Variants in GNG12 observed in about 807,000 individuals in gnomAD.
The protein encoded by GNG12 is guanine nucleotide-binding protein G(I)/G(S)/G(O) subunit gamma-12.
For synonymous variants in GNG12, 28 were observed against 29.7 expected, an observed-to-expected ratio of 0.94 and a Z score of 0.19; for missense variants, 69 against 83.8, an observed-to-expected ratio of 0.82 and a Z score of 0.69.
intron 1 of GNG12, among the ~76,000 whole-genome samples, chr1:67,825,710 C>T (rs1451786400): frequency 1.3e-5 from 2 of 152,122 alleles, no homozygotes; most frequent in African/African-American, 4.8e-5. Context: ...GCATCCTGTC[C>T]CCAAGGAAAA....
rs1185305286 is a variant in GNG12, at chr1:67,832,842, G to GT, written c.-77+501dup. Reference sequence around the variant, plus strand: ...GGAGGTAGAAAGTAGGCAGAGGGGCGTGGCGTCCCTGTCGCCCCCACATGC... The same window carrying GT: ...GGAGGTAGAAAGTAGGCAGAGGGGCGTTGGCGTCCCTGTCGCCCCCACATGC... On this transcript the variant is annotated intron_variant, in intron 1 of 3. Coordinates refer to ENST00000370982, the MANE Select transcript of GNG12 (RefSeq NM_018841.6). Among the ~76,000 whole-genome samples the GT allele has an allele frequency of 3.9e-5, 6 of 152,080 alleles. No individual in the cohort carries two copies. The South Asian group carries it at 1.0e-3, about 26-fold the overall frequency.
chr1:67,756,655 G>C (rs1646570483), intron 2 of GNG12, among the ~76,000 whole-genome samples: 1 of 152,138 alleles, frequency 6.6e-6, no homozygotes, highest in African/African-American at 2.4e-5. Flanking sequence ...GTGACGCTCC[G>C]CCTCCTCATT....
intron 1 of GNG12, among the ~76,000 whole-genome samples, chr1:67,813,021 G>A (rs1419932992): frequency 6.6e-6 from 1 of 152,184 alleles, no homozygotes; most frequent in Non-Finnish European, 1.5e-5. Flanking sequence ...GTAAAAAGAA[G>A]TTAGGCTCCA....
At chr1:67,766,838 C>T (rs1204725592) in intron 2 of GNG12, among the ~76,000 whole-genome samples, 1 of 152,104 alleles carries the variant, frequency 6.6e-6, no homozygotes, top group Non-Finnish European at 1.5e-5. Context: ...AGCAGTTCCT[C>T]GCTGGGCCTC....
intron 1 of GNG12, among the ~76,000 whole-genome samples, chr1:67,826,088 A>G (rs965956989): frequency 9.9e-5 from 15 of 151,966 alleles, no homozygotes; most frequent in African/African-American, 3.4e-4. Flanking sequence ...CATGAAGTTT[A>G]TATGTTTCCC....
At chr1:67,820,296 G>A (rs552620898) in intron 1 of GNG12, among the ~76,000 whole-genome samples, 171 of 152,024 alleles carry the variant, frequency 1.1e-3, no homozygotes, top group African/African-American at 4.1e-3. Flanking sequence ...GGCTGAGACA[G>A]GAGAATTGCT....
At position 67,705,117 on chromosome 1, in the gene GNG12, C is replaced by A. The variant is rs2100663622; in HGVS notation, c.*334G>T. On this transcript the variant is annotated 3_prime_UTR_variant, in exon 4 of 4. Transcript: ENST00000370982. ...ATTTTAATTTGACAGGTGCTTAGGC[C>A]ATTTAGGTCCTGACATATCGGAATC... is the stretch of plus-strand genomic sequence containing the variant. 1 of 177,448 alleles carries A rather than the reference C, an allele frequency of 5.6e-6. No homozygotes were observed. The highest frequency in any genetic ancestry group is 1.4e-4 in the South Asian group (1 of 6,950). 11.0% of individuals were successfully genotyped at this position (177,448 alleles called of 1,614,324 possible).
chr1:67,830,042 G>C (rs944227201), intron 1 of GNG12, among the ~76,000 whole-genome samples: 5 of 115,056 alleles, frequency 4.3e-5, no homozygotes, highest in African/African-American at 1.4e-4. Flanking sequence ...TTTTGCTCTT[G>C]TTGCCCAGGC....
intron 2 of GNG12, among the ~76,000 whole-genome samples, chr1:67,743,497 C>T (rs1448640069): frequency 6.6e-6 from 1 of 152,080 alleles, no homozygotes; most frequent in Non-Finnish European, 1.5e-5. Flanking sequence ...AAGAGTGAAA[C>T]TCAGAAAAGC....
intron 2 of GNG12, among the ~76,000 whole-genome samples, chr1:67,775,971 G>T (rs1371886617): frequency 1.3e-5 from 2 of 152,152 alleles, no homozygotes; most frequent in East Asian, 1.9e-4. Flanking sequence ...AGAGAGAATG[G>T]GGCCAGAAAA....
At chr1:67,721,393 T>C (rs72922740) in intron 2 of GNG12, among the ~76,000 whole-genome samples, 4,575 of 152,152 alleles carry the variant, frequency 0.03, 199 homozygotes, top group African/African-American at 0.094. Flanking sequence ...CCCTTAGAAA[T>C]GCAAATCCAC....
chr1:67,781,160 C>G (rs1646735346), intron 1 of GNG12, among the ~76,000 whole-genome samples: 1 of 152,158 alleles, frequency 6.6e-6, no homozygotes, highest in African/African-American at 2.4e-5. Context: ...AGGATTGTGG[C>G]CCAGCCTACC....
At chr1:67,825,286 G>A (rs2100827367) in intron 1 of GNG12, among the ~76,000 whole-genome samples, 1 of 152,328 alleles carries the variant, frequency 6.6e-6, no homozygotes, top group Middle Eastern at 3.4e-3. Context: ...CAGGTTAAAT[G>A]TGAAAGGCAT....
chr1:67,743,201 G>T (rs1646491999), intron 2 of GNG12, among the ~76,000 whole-genome samples: 1 of 152,128 alleles, frequency 6.6e-6, no homozygotes, highest in African/African-American at 2.4e-5. Flanking sequence ...TAGGAGTAGG[G>T]GCAGCTGGGT....
intron 2 of GNG12, among the ~76,000 whole-genome samples, chr1:67,734,880 G>A (rs566932990): frequency 1.4e-4 from 22 of 152,138 alleles, no homozygotes; most frequent in African/African-American, 4.6e-4. Flanking sequence ...TTGAGACAGC[G>A]TCTCACTCTG....
intron 2 of GNG12, among the ~76,000 whole-genome samples, chr1:67,776,676 T>C (rs1408512054): frequency 2.0e-5 from 3 of 152,106 alleles, no homozygotes; most frequent in Non-Finnish European, 4.4e-5. Flanking sequence ...CAGCTACCTG[T>C]AGATACATGA....
chr1:67,764,063 A>G (rs1382921155), intron 2 of GNG12, among the ~76,000 whole-genome samples: 1 of 151,714 alleles, frequency 6.6e-6, no homozygotes, highest in Non-Finnish European at 1.5e-5. Flanking sequence ...TCATTCGTTC[A>G]CTCCTTCACA....
chr1:67,736,332 G>A (rs1023708261), intron 2 of GNG12, among the ~76,000 whole-genome samples: 8 of 152,064 alleles, frequency 5.3e-5, no homozygotes, highest in African/African-American at 1.9e-4. Flanking sequence ...CAGGCAGGGA[G>A]AATGTTGCAG....
At chr1:67,821,373 A>G (rs1489330228) in intron 1 of GNG12, among the ~76,000 whole-genome samples, 1 of 152,188 alleles carries the variant, frequency 6.6e-6, no homozygotes, top group Non-Finnish European at 1.5e-5. Flanking sequence ...AAGCACGAGA[A>G]GGATTTGTCA....
Sources: gnomAD v4.1 joint callset for allele counts (sites outside exome capture counted in the v4.1 genomes callset) on GRCh38, gnomAD v4.1.1 for gene constraint, MANE v1.5 for transcripts, NCBI Gene and HGNC (gene_info 2026-07-23, HGNC 2026-07-21) for gene names.